BICD1: variants seen among roughly 807,000 people sequenced by gnomAD.
BICD1 encodes the protein BICD cargo adaptor 1.
A neutral mutation model predicts 92.5 loss-of-function variants in BICD1; 35 were observed. The observed-to-expected ratio is 0.38, with a 90% CI of 0.29 to 0.50. The LOEUF (loss-of-function observed/expected upper bound fraction) is 0.50. BICD1 is among the 20% of genes least tolerant of loss of function. The pLI, the probability that BICD1 is intolerant of heterozygous loss-of-function variation, is 0.93. For missense variants in BICD1, 950 were observed against 1,189.8 expected (o/e 0.80, Z 2.97); for synonymous variants, 429 against 465.1 (o/e 0.92, Z 1.00).
At chr12:32,213,678 T>C (rs753269678) in intron 1 of BICD1, among the ~76,000 whole-genome samples, 6 of 152,186 alleles carry the variant, frequency 3.9e-5, no homozygotes, top group Non-Finnish European at 8.8e-5. Context: ...GGATTACAGA[T>C]GTGAGCCACC....
chr12:32,225,900 G>A (rs67559213), intron 2 of BICD1, among the ~76,000 whole-genome samples: 11,074 of 152,008 alleles, frequency 0.073, 640 homozygotes, highest in East Asian at 0.25. Context: ...GAGATTTCAG[G>A]CGTGAGCCAC....
intron 1 of BICD1, among the ~76,000 whole-genome samples, chr12:32,199,065 G>T (rs867399042): frequency 6.6e-6 from 1 of 152,156 alleles, no homozygotes; most frequent in South Asian, 2.1e-4. Context: ...TGAATTTGAG[G>T]CTGTTGGGGG....
rs1366803907 is a variant in BICD1, at chr12:32,382,873, C to T, written c.*5246C>T. 2 of 151,934 alleles carry T rather than the reference C, an allele frequency of 1.3e-5. No homozygotes were observed. Among genetic ancestry groups the T allele is most frequent in the African/African-American group, 2.4e-5 (1 of 41,394 alleles). The allele number at this position is 151,934 out of a possible 1,614,324, so 9.4% of individuals were successfully genotyped here. Reference sequence around the variant, plus strand: ...TATTCAATGATAGATAATGGAGATACAGAATGACTCATTGGGTTCATAGGT... The same window carrying T: ...TATTCAATGATAGATAATGGAGATATAGAATGACTCATTGGGTTCATAGGT... On this transcript the variant is annotated 3_prime_UTR_variant, in exon 10 of 10. Coordinates refer to ENST00000652176, the MANE Select transcript of BICD1 (RefSeq NM_001714.4).
At chr12:32,145,261 G>A (rs1391579729) in intron 1 of BICD1, among the ~76,000 whole-genome samples, 1 of 152,170 alleles carries the variant, frequency 6.6e-6, no homozygotes, top group Admixed American at 6.5e-5. Flanking sequence ...TCACAGGGAA[G>A]GCTCTGTGAC....
intron 2 of BICD1, among the ~76,000 whole-genome samples, chr12:32,242,288 G>A (rs552865054): frequency 2.3e-4 from 34 of 149,558 alleles, no homozygotes; most frequent in African/African-American, 7.4e-4. Context: ...CACTTTGGGA[G>A]GCCAAGGCAG....
At chr12:32,318,002 G>A (rs2136239030) in intron 4 of BICD1, among the ~76,000 whole-genome samples, 1 of 152,020 alleles carries the variant, frequency 6.6e-6, no homozygotes, top group Non-Finnish European at 1.5e-5. Context: ...TCTCAGGTTT[G>A]TCAAAGATCA....
At chr12:32,250,349 G>A (rs796297175) in intron 2 of BICD1, among the ~76,000 whole-genome samples, 81 of 152,240 alleles carry the variant, frequency 5.3e-4, no homozygotes, top group African/African-American at 1.9e-3. Context: ...GATAAAATGC[G>A]ATTAATAGAA....
intron 2 of BICD1, among the ~76,000 whole-genome samples, chr12:32,245,306 G>T (rs1946349890): frequency 6.6e-6 from 1 of 151,200 alleles, no homozygotes; most frequent in African/African-American, 2.4e-5. Context: ...GAGTGCAGTG[G>T]CGCGATCTCA....
chr12:32,286,310 T>C (rs987202726), intron 2 of BICD1, among the ~76,000 whole-genome samples: 1 of 152,186 alleles, frequency 6.6e-6, no homozygotes, highest in African/African-American at 2.4e-5. Flanking sequence ...CAATTTTATA[T>C]AAATGACTGT....
rs1945491560 is a variant in BICD1 at position 32,220,729 on chromosome 12, C to T, written c.426+4270C>T. Among the ~76,000 whole-genome samples, 4 of 146,728 alleles carry T rather than the reference C, an allele frequency of 2.7e-5. 1 individual carries two copies. In the South Asian group the frequency reaches 6.9e-4, roughly 25 times the overall value. On this transcript the variant is annotated intron_variant, in intron 2 of 9. Transcript: ENST00000652176. ...GAACTAGAAATACCATTTGACCCAG[C>T]CATCCCATTACTGGGTATATACCCA... is the stretch of plus-strand genomic sequence containing the variant.
At chr12:32,277,934 C>G (rs1254915339) in intron 2 of BICD1, among the ~76,000 whole-genome samples, 1 of 152,146 alleles carries the variant, frequency 6.6e-6, no homozygotes, top group Non-Finnish European at 1.5e-5. Flanking sequence ...ACTTCTTTCC[C>G]TTTCACAGCA....
chr12:32,263,199 C>T (rs1040717936), intron 2 of BICD1, among the ~76,000 whole-genome samples: 3 of 151,918 alleles, frequency 2.0e-5, no homozygotes, highest in Non-Finnish European at 4.4e-5. Context: ...GAAACTGAGA[C>T]AATGGGTGAC....
intron 2 of BICD1, among the ~76,000 whole-genome samples, chr12:32,293,388 GC>G (rs2136192487): frequency 6.6e-6 from 1 of 152,126 alleles, no homozygotes; most frequent in South Asian, 2.1e-4. Context: ...CCTGATCTCG[GC>G]TCACTGCAAC....
intron 2 of BICD1, among the ~76,000 whole-genome samples, chr12:32,237,274 T>C (rs59032949): frequency 0.13 from 19,153 of 152,070 alleles, 2,003 homozygotes; most frequent in African/African-American, 0.28. Flanking sequence ...TTGAAGCCAA[T>C]GGGTTGGTTC....
chr12:32,355,742 C>T (rs1414373183), intron 8 of BICD1, among the ~76,000 whole-genome samples: 1 of 151,614 alleles, frequency 6.6e-6, no homozygotes, highest in East Asian at 1.9e-4. Context: ...GTGAAGATTG[C>T]AGTGAGCCGA....
At chr12:32,307,117 A>C (rs1948251199) in intron 4 of BICD1, among the ~76,000 whole-genome samples, 1 of 152,210 alleles carries the variant, frequency 6.6e-6, no homozygotes, top group Non-Finnish European at 1.5e-5. Flanking sequence ...GATGGAAACC[A>C]TGCAGTTTTT....
At chr12:32,253,034 C>T (rs1477370439) in intron 2 of BICD1, among the ~76,000 whole-genome samples, 1 of 151,982 alleles carries the variant, frequency 6.6e-6, no homozygotes, top group Non-Finnish European at 1.5e-5. Flanking sequence ...AGGTGCACAC[C>T]ACCGCACCCA....
At position 32,270,251 on chromosome 12, in the gene BICD1, A is replaced by G. The variant is rs1947104959; in HGVS notation, c.427-23743A>G. Among the ~76,000 whole-genome samples, 3 of 152,042 alleles carry G rather than the reference A, an allele frequency of 2.0e-5. 1 individual carries two copies. The South Asian group carries it at 6.2e-4, about 31-fold the overall frequency. The stretch of plus-strand genomic sequence containing the variant: ...GTAATAAAATAATATAATAAGATGT[A>G]TCTCCAAAATCTGAATCTAATGGTA... On this transcript the variant is annotated intron_variant, in intron 2 of 9. Coordinates refer to ENST00000652176, the MANE Select transcript of BICD1 (RefSeq NM_001714.4).
At chr12:32,120,583 T>A (rs924079570) in intron 1 of BICD1, among the ~76,000 whole-genome samples, 1 of 152,190 alleles carries the variant, frequency 6.6e-6, no homozygotes, top group African/African-American at 2.4e-5. Context: ...ATGGGCCCTG[T>A]TGATAAGCCT....
Sources: gnomAD v4.1 joint callset for allele counts (sites outside exome capture counted in the v4.1 genomes callset) on GRCh38, gnomAD v4.1.1 for gene constraint, MANE v1.5 for transcripts, NCBI Gene and HGNC (gene_info 2026-07-23, HGNC 2026-07-21) for gene names.